COL21A1: variants seen among roughly 807,000 people sequenced by gnomAD.
COL21A1 encodes collagen alpha-1(XXI) chain.
A neutral mutation model predicts 137.9 loss-of-function variants in COL21A1; 149 were observed. The ratio of observed to expected loss-of-function variants is 1.08; its 90% CI spans 0.95 to 1.24. The LOEUF (loss-of-function observed/expected upper bound fraction) is 1.24. Among genes scored for constraint, COL21A1 ranks in the 50% most tolerant of loss-of-function variants. The pLI, the probability that COL21A1 is intolerant of heterozygous loss-of-function variation, is 0.00. For missense variants in COL21A1, 1,167 were observed against 1,158.4 expected (o/e 1.01, Z -0.11); for synonymous variants, 456 against 391.5 (o/e 1.16, Z -1.95).
chr6:56,109,543 A>C (rs995410078), intron 16 of COL21A1, among the ~76,000 whole-genome samples: 1 of 151,928 alleles, frequency 6.6e-6, no homozygotes, highest in African/African-American at 2.4e-5. Flanking sequence ...CATGGAAAAA[A>C]ATAAGAGAAA....
chr6:56,172,740 T>C (rs1406255147), intron 3 of COL21A1, among the ~76,000 whole-genome samples: 1 of 152,040 alleles, frequency 6.6e-6, no homozygotes, highest in African/African-American at 2.4e-5. Context: ...TTAACAGATA[T>C]AAAATATAAA....
intron 1 of COL21A1, among the ~76,000 whole-genome samples, chr6:56,286,720 G>A (rs1393279327): frequency 1.3e-5 from 2 of 152,066 alleles, no homozygotes; most frequent in Non-Finnish European, 2.9e-5. Context: ...GAAAACTGTG[G>A]ATAATAGCCT....
intron 14 of COL21A1, among the ~76,000 whole-genome samples, chr6:56,125,044 G>A (rs1460134138): frequency 4.1e-5 from 5 of 121,408 alleles, no homozygotes; most frequent in Admixed American, 9.7e-5. Flanking sequence ...TTTTTGAGAC[G>A]GAGTCTTGCT....
intron 1 of COL21A1, among the ~76,000 whole-genome samples, chr6:56,273,371 T>TAATTA (rs55722566): frequency 1.2e-4 from 18 of 151,332 alleles, no homozygotes; most frequent in African/African-American, 4.1e-4. Context: ...GCAGAAGAAA[T>TAATTA]AAATTAGAAA....
At chr6:56,210,417 A>T (rs540893559) in intron 1 of COL21A1, among the ~76,000 whole-genome samples, 2 of 152,318 alleles carry the variant, frequency 1.3e-5, no homozygotes, top group Non-Finnish European at 2.9e-5. Flanking sequence ...ATTTCAAGGT[A>T]ATAAAACATG....
chr6:56,363,523 T>G (rs1286417169), intron 1 of COL21A1, among the ~76,000 whole-genome samples: 1 of 152,166 alleles, frequency 6.6e-6, no homozygotes, highest in African/African-American at 2.4e-5. Flanking sequence ...TGGGAGCCAT[T>G]TTGAGGTCAG....
intron 1 of COL21A1, among the ~76,000 whole-genome samples, chr6:56,349,639 A>T (rs1765668956): frequency 6.6e-6 from 1 of 152,254 alleles, no homozygotes; most frequent in Non-Finnish European, 1.5e-5. Flanking sequence ...GAAGAGGCAC[A>T]GCAATGAGTC....
chr6:56,209,907 A>T (rs183988838), intron 1 of COL21A1, among the ~76,000 whole-genome samples: 33 of 152,326 alleles, frequency 2.2e-4, no homozygotes, highest in Admixed American at 1.0e-3. Context: ...CTGGATTAAG[A>T]AAATGTGGCA....
At chr6:56,298,768 G>A (rs187605513) in intron 1 of COL21A1, among the ~76,000 whole-genome samples, 7 of 152,198 alleles carry the variant, frequency 4.6e-5, no homozygotes, top group Non-Finnish European at 8.8e-5. Flanking sequence ...AACAGCAACA[G>A]CAACAGAGAC....
rs753401277 is a variant in COL21A1, at chr6:56,077,526, TA to T, written c.1857+2del. 3.8e-6 allele frequency: 6 copies of T among 1,573,970 alleles called. No homozygotes were observed. Among genetic ancestry groups the T allele is most frequent in the African/African-American group, 1.4e-5 (1 of 73,476 alleles). The stretch of plus-strand genomic sequence containing the variant: ...CCCAAAGCTAACTCTCATGAATACT[TA>T]CCTTTTGGCCCATTAATCCTCGGTT... On this transcript the variant is annotated splice_donor_variant, in intron 18 of 29. Transcript: ENST00000244728. LOFTEE classifies it high-confidence loss of function.
chr6:56,159,813 C>A (rs1925183), intron 9 of COL21A1, among the ~76,000 whole-genome samples: 13,594 of 152,068 alleles, frequency 0.089, 718 homozygotes, highest in African/African-American at 0.14. Context: ...CTATCATCAT[C>A]AGGCTGAAAT....
intron 1 of COL21A1, among the ~76,000 whole-genome samples, chr6:56,359,508 T>C (rs758862498): frequency 1.3e-5 from 2 of 152,336 alleles, no homozygotes; most frequent in Non-Finnish European, 2.9e-5. Flanking sequence ...GTTTGGGTTT[T>C]TTTCTGTTTA....
intron 1 of COL21A1, among the ~76,000 whole-genome samples, chr6:56,316,050 A>G (rs527813415): frequency 1.3e-5 from 2 of 152,328 alleles, no homozygotes; most frequent in Non-Finnish European, 2.9e-5. Flanking sequence ...GCTAATTGCT[A>G]TGCCATTGCT....
chr6:56,297,247 G>T (rs1046363182), intron 1 of COL21A1, among the ~76,000 whole-genome samples: 2 of 152,096 alleles, frequency 1.3e-5, no homozygotes, highest in Non-Finnish European at 2.9e-5. Flanking sequence ...GCCTGGACAA[G>T]TGAAAACTGG....
chr6:56,381,638 C>T (rs990816927), intron 1 of COL21A1, among the ~76,000 whole-genome samples: 9 of 152,112 alleles, frequency 5.9e-5, no homozygotes, highest in African/African-American at 1.9e-4. Context: ...TAAATTTCAC[C>T]GAACATAAGC....
intron 1 of COL21A1, among the ~76,000 whole-genome samples, chr6:56,338,914 A>T (rs774244449): frequency 3.3e-5 from 5 of 152,118 alleles, no homozygotes; most frequent in Admixed American, 1.3e-4. Flanking sequence ...AGCAGCTCAC[A>T]TGCTTCTTTA....
intron 1 of COL21A1, among the ~76,000 whole-genome samples, chr6:56,386,582 A>C (rs893844454): frequency 1.4e-5 from 2 of 143,612 alleles, no homozygotes. Flanking sequence ...CGCATTCTTG[A>C]TAAAACTTGT....
rs867757610 is a variant in COL21A1, at chr6:56,060,705, G to C, written c.2407+36C>G. ...AGAATTTGTATTACTTTTGTAATTT[G>C]AGAAAAGTTATTAAAATGCTATATT... On this transcript the variant is annotated intron_variant, in intron 27 of 29. Transcript: ENST00000244728. 5.9e-6 allele frequency: 9 copies of C among 1,532,450 alleles called. No individual in the cohort carries two copies. In the African/African-American group the frequency reaches 8.3e-5, roughly 14 times the overall value. 94.9% of individuals were successfully genotyped at this position (1,532,450 alleles called of 1,614,324 possible). A position where few individuals can be genotyped will look rare whatever the true frequency, so the allele number is the denominator to read the frequency against.
chr6:56,228,915 T>A (rs1465082157), intron 1 of COL21A1, among the ~76,000 whole-genome samples: 3 of 151,970 alleles, frequency 2.0e-5, no homozygotes, highest in Non-Finnish European at 4.4e-5. Context: ...ATGACAATTT[T>A]AAAAATATCA....
Sources: allele counts gnomAD v4.1 joint callset (sites outside exome capture counted in the v4.1 genomes callset), GRCh38; gene constraint gnomAD v4.1.1; transcripts MANE v1.5; gene names NCBI Gene and HGNC (gene_info 2026-07-23, HGNC 2026-07-21).